Variants in GTF2H3 observed in about 807,000 individuals in gnomAD.
GTF2H3 encodes TFIIH basal transcription factor complex p34 subunit.
GTF2H3 carries 42 observed loss-of-function variants against 51.1 expected under a neutral mutation model. The ratio of observed to expected loss-of-function variants is 0.82; its 90% CI spans 0.64 to 1.06. The LOEUF (loss-of-function observed/expected upper bound fraction) is 1.06, where lower values mean the gene tolerates loss of function less well. Among genes scored for constraint, GTF2H3 ranks in the 50% least tolerant of loss-of-function variants. GTF2H3 has a pLI of 0.00. For synonymous variants in GTF2H3, 123 were observed against 123.8 expected, an observed-to-expected ratio of 0.99 and a Z score of 0.04; for missense variants, 326 against 366.1, an observed-to-expected ratio of 0.89 and a Z score of 0.89.
intron 2 of GTF2H3, among the ~76,000 whole-genome samples, chr12:123,642,921 C>T (rs1444408488): frequency 6.6e-6 from 1 of 152,202 alleles, no homozygotes; most frequent in African/African-American, 2.4e-5. Flanking sequence ...GTCGCCCAGG[C>T]TGGAGTGCAG....
rs11572982 is a variant in GTF2H3, at chr12:123,655,280, C to T, written c.561+282C>T. 9.1e-3 allele frequency among the ~76,000 whole-genome samples: 1,391 copies of T among 152,228 alleles called. 27 individuals carry two copies. Among genetic ancestry groups the T allele is most frequent in the African/African-American group, 0.032 (1,309 of 41,528 alleles). ...ATCCTTGGACCCCATGCCAAGAATC[C>T]CTGGTTTGACAGTTTGCTGTATAAA... is the stretch of plus-strand genomic sequence containing the variant. On this transcript the variant is annotated intron_variant, in intron 8 of 12. Transcript: ENST00000543341.
chr12:123,654,758 C>T (rs761037779), intron 7 of GTF2H3, among the ~76,000 whole-genome samples, 166 bp from the exon 8 acceptor site: 2 of 151,964 alleles, frequency 1.3e-5, no homozygotes, highest in Admixed American at 1.3e-4. Context: ...AGCGGGATTT[C>T]GGGGGAAATG....
chr12:123,654,514 A>G (rs1955560497), intron 7 of GTF2H3, among the ~76,000 whole-genome samples: 1 of 137,938 alleles, frequency 7.2e-6, no homozygotes, highest in Non-Finnish European at 1.6e-5. Context: ...GTATGGGTGT[A>G]TTTTGGGTGT....
At chr12:123,659,743 AT>A in intron 10 of GTF2H3, 51 bp from the exon 11 acceptor site, 2 of 1,583,122 alleles carry the variant, frequency 1.3e-6, no homozygotes, top group Admixed American at 1.8e-5. Context: ...GCTTCATGTT[AT>A]TTTTTTCCCA....
At chr12:123,644,179 C>T (rs1164464388) in intron 2 of GTF2H3, among the ~76,000 whole-genome samples, 1 of 151,928 alleles carries the variant, frequency 6.6e-6, no homozygotes, top group East Asian at 1.9e-4. Flanking sequence ...GGCCATATTC[C>T]AGGATTATGA....
At chr12:123,641,793 G>A (rs1032603258) in intron 2 of GTF2H3, among the ~76,000 whole-genome samples, 15 of 151,836 alleles carry the variant, frequency 9.9e-5, no homozygotes, top group East Asian at 1.9e-4. Context: ...TATTTTTTAC[G>A]TACTATATTA....
In GTF2H3 at chr12:123,655,760, G is replaced by C; in HGVS notation, c.562-11G>C. 1 of 1,515,112 alleles carries C rather than the reference G, an allele frequency of 6.6e-7. No homozygotes were observed. The highest frequency in any genetic ancestry group is 1.9e-4 in the Middle Eastern group (1 of 5,146). 93.9% of individuals were successfully genotyped at this position (1,515,112 alleles called of 1,614,324 possible). ...ATTATTCCTGTAATATTTTCAAAATGTTTCTTTTAGAATATTTTGATTGAT... is the reference window on the plus strand; with the variant it reads ...ATTATTCCTGTAATATTTTCAAAATCTTTCTTTTAGAATATTTTGATTGAT... On this transcript the variant is annotated splice_polypyrimidine_tract_variant and intron_variant, in intron 8 of 12. Coordinates refer to ENST00000543341, the MANE Select transcript of GTF2H3 (RefSeq NM_001516.5).
At chr12:123,658,673 TCA>T (rs2135801572) in intron 9 of GTF2H3, among the ~76,000 whole-genome samples, 1 of 152,282 alleles carries the variant, frequency 6.6e-6, no homozygotes, top group East Asian at 1.9e-4. Flanking sequence ...TAAAGCCATC[TCA>T]CAGTTTCTTT....
At chr12:123,636,405 T>C (rs1337287149) in intron 1 of GTF2H3, among the ~76,000 whole-genome samples, 1 of 152,168 alleles carries the variant, frequency 6.6e-6, no homozygotes, top group African/African-American at 2.4e-5. Flanking sequence ...GGGTAGAGAT[T>C]CTCCTAATGT....
intron 7 of GTF2H3, among the ~76,000 whole-genome samples, chr12:123,652,949 A>G (rs1955537369): frequency 6.6e-6 from 1 of 151,906 alleles, no homozygotes. Context: ...GTGGTGGTGC[A>G]TGCCTATAGT....
chr12:123,658,255 G>A (rs899029441), intron 9 of GTF2H3, among the ~76,000 whole-genome samples: 2 of 150,342 alleles, frequency 1.3e-5, no homozygotes, highest in African/African-American at 4.9e-5. Flanking sequence ...TTTCACTCTT[G>A]TTGCCCAGGC....
At chr12:123,649,547 G>A (rs1329284814) in intron 4 of GTF2H3, 1 of 152,250 alleles carries the variant, frequency 6.6e-6, no homozygotes, top group Non-Finnish European at 1.5e-5. Context: ...CCCCAGTCAA[G>A]CCTTTGCACT....
chr12:123,641,537 TTG>T (rs1340880651), intron 2 of GTF2H3, among the ~76,000 whole-genome samples: 1 of 143,730 alleles, frequency 7.0e-6, no homozygotes. Flanking sequence ...GTTTTTTTTT[TTG>T]TGTGTTTTTT....
At chr12:123,638,111 C>T (rs1464190965) in intron 1 of GTF2H3, among the ~76,000 whole-genome samples, 2 of 152,060 alleles carry the variant, frequency 1.3e-5, no homozygotes, top group Non-Finnish European at 2.9e-5. Context: ...GATCCTCTCT[C>T]CTCACCCTCC....
intron 3 of GTF2H3, among the ~76,000 whole-genome samples, chr12:123,646,805 G>GTTTTT (rs34544204): frequency 7.2e-6 from 1 of 138,358 alleles, no homozygotes. Flanking sequence ...ACCTGTCAAA[G>GTTTTT]TTTTTTTTTT....
At chr12:123,636,272 T>C (rs888455579) in intron 1 of GTF2H3, among the ~76,000 whole-genome samples, 2 of 152,184 alleles carry the variant, frequency 1.3e-5, no homozygotes, top group African/African-American at 4.8e-5. Flanking sequence ...TTCCGGTGCT[T>C]AGTGCAGAGG....
chr12:123,654,412 C>T (rs1955558963), intron 7 of GTF2H3, among the ~76,000 whole-genome samples: 1 of 146,442 alleles, frequency 6.8e-6, no homozygotes, highest in Non-Finnish European at 1.5e-5. Context: ...TTTGGGTGTA[C>T]TTACCTGTGT....
At chr12:123,636,871 C>T (rs973119917) in intron 1 of GTF2H3, among the ~76,000 whole-genome samples, 5 of 151,880 alleles carry the variant, frequency 3.3e-5, no homozygotes, top group Non-Finnish European at 7.4e-5. Flanking sequence ...GAGCCGAGAT[C>T]GCGCCATTAC....
At chr12:123,655,860 T>C (rs758212913) in intron 9 of GTF2H3, 36 bp downstream of exon 9, 1 of 1,318,096 alleles carries the variant, frequency 7.6e-7, no homozygotes, top group Admixed American at 1.8e-5. Flanking sequence ...TCGGTGGTTA[T>C]GACAATTAGT....
Sources: allele counts gnomAD v4.1 joint callset (sites outside exome capture counted in the v4.1 genomes callset), GRCh38; gene constraint gnomAD v4.1.1; transcripts MANE v1.5; gene names NCBI Gene and HGNC (gene_info 2026-07-23, HGNC 2026-07-21).